VPS13B: variants seen among roughly 807,000 people sequenced by gnomAD.
VPS13B encodes the protein intermembrane lipid transfer protein VPS13B.
Under a neutral mutation model 426.4 loss-of-function variants are expected in VPS13B, and 285 were observed. That is an observed-to-expected ratio of 0.67 (90% CI 0.61 to 0.74). VPS13B has a LOEUF of 0.74. Ranked by LOEUF, VPS13B falls within the 30% of genes least tolerant of loss-of-function variation. The pLI is 0.00. For synonymous variants in VPS13B, 1,676 were observed against 1,676.4 expected, an observed-to-expected ratio of 1.00 and a Z score of 0.01; for missense variants, 4,537 against 4,782.6, an observed-to-expected ratio of 0.95 and a Z score of 1.51.
intron 19 of VPS13B, among the ~76,000 whole-genome samples, chr8:99,281,571 C>T (rs558980732): frequency 4.1e-4 from 62 of 152,302 alleles, no homozygotes; most frequent in Non-Finnish European, 7.5e-4. Flanking sequence ...TCTGAACAAA[C>T]GTGCACATCA....
At chr8:99,533,653 ACAT>A (rs1823048000) in intron 30 of VPS13B, among the ~76,000 whole-genome samples, 1 of 152,240 alleles carries the variant, frequency 6.6e-6, no homozygotes, top group Non-Finnish European at 1.5e-5. Context: ...GATGAGCTTA[ACAT>A]CATTAACAAT....
At chr8:99,331,625 C>T (rs976476979) in intron 19 of VPS13B, among the ~76,000 whole-genome samples, 2 of 151,686 alleles carry the variant, frequency 1.3e-5, no homozygotes, top group African/African-American at 4.8e-5. Context: ...ATGTTAACAA[C>T]ATATGAAATA....
chr8:99,662,270 A>G (rs566238776), intron 35 of VPS13B, among the ~76,000 whole-genome samples: 1 of 151,766 alleles, frequency 6.6e-6, no homozygotes, highest in Non-Finnish European at 1.5e-5. Flanking sequence ...CCTTCATCTC[A>G]TGTTCTTCCC....
intron 30 of VPS13B, among the ~76,000 whole-genome samples, chr8:99,522,712 A>G (rs1327742180): frequency 6.6e-6 from 1 of 152,216 alleles, no homozygotes; most frequent in Non-Finnish European, 1.5e-5. Context: ...TGTCAAATGT[A>G]AAATTCTAGA....
intron 21 of VPS13B, among the ~76,000 whole-genome samples, chr8:99,425,221 C>G (rs1033949816): frequency 6.6e-6 from 1 of 152,122 alleles, no homozygotes; most frequent in South Asian, 2.1e-4. Context: ...TTTGTGAGTC[C>G]AGCATCATCC....
intron 40 of VPS13B, among the ~76,000 whole-genome samples, chr8:99,767,734 G>A (rs1448562561): frequency 6.6e-6 from 1 of 152,092 alleles, no homozygotes. Flanking sequence ...TTTGAGATCA[G>A]CCTGGGCAAT....
At chr8:99,292,683 G>A (rs1024342057) in intron 19 of VPS13B, among the ~76,000 whole-genome samples, 1 of 151,988 alleles carries the variant, frequency 6.6e-6, no homozygotes, top group Non-Finnish European at 1.5e-5. Context: ...ACTAAAAATA[G>A]CAAATAATTT....
At chr8:99,031,551 A>G (rs1022864103) in intron 2 of VPS13B, among the ~76,000 whole-genome samples, 3 of 152,194 alleles carry the variant, frequency 2.0e-5, no homozygotes, top group Non-Finnish European at 4.4e-5. Context: ...TTTCGTAGGA[A>G]AAAACTTTTT....
chr8:99,817,290 G>C (rs2130809852), intron 44 of VPS13B, among the ~76,000 whole-genome samples: 1 of 151,924 alleles, frequency 6.6e-6, no homozygotes, highest in East Asian at 1.9e-4. Context: ...TCTCTGGCCA[G>C]CACCTGAGCA....
At chr8:99,058,800 C>G (rs1337144878) in intron 3 of VPS13B, among the ~76,000 whole-genome samples, 1 of 152,136 alleles carries the variant, frequency 6.6e-6, no homozygotes, top group Non-Finnish European at 1.5e-5. Context: ...GGAGGATATA[C>G]AGAGGAAGTT....
rs75430274 is a variant in VPS13B, at chr8:99,122,540, A to G, written c.1206+1095A>G. ...ATCCCCCATGTGTTCTTCTTTGATCATATTTTACCTTCTCTTCCTCTCACA... is the reference window on the plus strand; with the variant it reads ...ATCCCCCATGTGTTCTTCTTTGATCGTATTTTACCTTCTCTTCCTCTCACA... On this transcript the variant is annotated intron_variant, in intron 8 of 61. Coordinates refer to ENST00000357162, the MANE Select transcript of VPS13B (RefSeq NM_152564.5). 1.5e-3 allele frequency among the ~76,000 whole-genome samples: 225 copies of G among 152,218 alleles called. 1 individual carries two copies. Among genetic ancestry groups the G allele is most frequent in the African/African-American group, 5.2e-3 (214 of 41,534 alleles).
In VPS13B at chr8:99,111,111, G is replaced by A; in HGVS notation, c.594G>A (p.Val198=). 1 of 1,600,812 alleles carries A rather than the reference G, an allele frequency of 6.2e-7. No individual in the cohort carries two copies. Among genetic ancestry groups the A allele is most frequent in the Non-Finnish European group, 8.5e-7 (1 of 1,173,504 alleles). Residue 198 remains valine (V), a synonymous_variant, in exon 6 of 62, where the codon GTG becomes GTA. Transcript: ENST00000357162. ...TTTTCTTTTTAGCAACTGATTTGGT[G>A]CTGAGAAAGGTTATCAATTTTTCTG... is the stretch of plus-strand genomic sequence containing the variant. ...AFMDISATDL[V]LRKVINFSDC...
chr8:99,492,708 G>A (rs1028995275), intron 25 of VPS13B, among the ~76,000 whole-genome samples: 4 of 152,206 alleles, frequency 2.6e-5, no homozygotes, highest in Non-Finnish European at 4.4e-5. Flanking sequence ...TCTGCTGGTT[G>A]CTAAGACTGT....
At chr8:99,723,052 C>T (rs555885378) in intron 39 of VPS13B, among the ~76,000 whole-genome samples, 4 of 152,282 alleles carry the variant, frequency 2.6e-5, no homozygotes, top group Non-Finnish European at 4.4e-5. Flanking sequence ...TATCTTCTCA[C>T]GGTTATTAGG....
At chr8:99,071,021 T>C (rs1563520757) in intron 3 of VPS13B, among the ~76,000 whole-genome samples, 1 of 152,272 alleles carries the variant, frequency 6.6e-6, no homozygotes, top group East Asian at 1.9e-4. Context: ...TTCGTTGAGC[T>C]TAAAAATAAG....
rs1057519182 is a variant in VPS13B at position 99,121,241 on chromosome 8, T to G, written c.1002T>G (p.Tyr334Ter). 6.2e-7 allele frequency: 1 copy of G among 1,614,144 alleles called. No homozygotes were observed. The highest frequency in any genetic ancestry group is 8.5e-7 in the Non-Finnish European group (1 of 1,180,006). ...YPAQHKGQEL[Y>*]SQQDEEQPQG... ...CTCAGCATAAAGGTCAAGAGTTATATTCACAGCAAGATGAGGAGCAGCCAC... is the reference window on the plus strand; with the variant it reads ...CTCAGCATAAAGGTCAAGAGTTATAGTCACAGCAAGATGAGGAGCAGCCAC... The change falls in exon 8 of 62, where the codon TAT becomes TAG. Residue 334 changes from tyrosine (Y) to a stop codon, truncating the protein, a stop_gained. Coordinates refer to ENST00000357162, the MANE Select transcript of VPS13B (RefSeq NM_152564.5). LOFTEE classifies it high-confidence loss of function.
At chr8:99,604,444 T>C (rs1372768373) in intron 33 of VPS13B, among the ~76,000 whole-genome samples, 1 of 151,990 alleles carries the variant, frequency 6.6e-6, no homozygotes, top group African/African-American at 2.4e-5. Context: ...CGTTTGGTTA[T>C]GTCTCCATAG....
rs757253779 is a variant in VPS13B, at chr8:99,511,461, G to C, written c.4582G>C (p.Val1528Leu). 137 of 1,612,984 alleles carry C rather than the reference G, an allele frequency of 8.5e-5. No individual in the cohort carries two copies. Among genetic ancestry groups the C allele is most frequent in the Non-Finnish European group, 1.2e-4 (137 of 1,179,846 alleles). ...NLPLIYVNTS[V>L]IRIFIPKTEE... ...ACCTTTGATTTATGTCAACACAAGT[G>C]TAATCAGAATTTTTATTCCAAAAAC... is the stretch of plus-strand genomic sequence containing the variant. Residue 1528 changes from valine to leucine, a missense_variant, in exon 29 of 62, where the codon GTA becomes CTA. Physicochemically the swap from Val to Leu is conservative, Grantham distance 32. Transcript: ENST00000357162.
Position 99,204,282 on chromosome 8 carries a change from G to C in VPS13B, c.2515+11225G>C, listed in dbSNP as rs1483257352. Among the ~76,000 whole-genome samples the C allele has an allele frequency of 5.3e-5, 8 of 152,272 alleles. No homozygotes were observed. The East Asian group carries it at 1.5e-3, about 29-fold the overall frequency. The stretch of plus-strand genomic sequence containing the variant: ...GAAAGGATTCTCTGCTTAATAAATG[G>C]TTTTGGGAAAACTGGCTAGCCTTAT... On this transcript the variant is annotated intron_variant, in intron 17 of 61. Transcript: ENST00000357162.
Sources: allele counts gnomAD v4.1 joint callset (sites outside exome capture counted in the v4.1 genomes callset), GRCh38; gene constraint gnomAD v4.1.1; transcripts MANE v1.5; gene names NCBI Gene and HGNC (gene_info 2026-07-23, HGNC 2026-07-21).